BACH2: variants seen among roughly 807,000 people sequenced by gnomAD.
The protein encoded by BACH2 is transcription regulator protein BACH2.
A neutral mutation model predicts 61.8 loss-of-function variants in BACH2; 5 were observed. The ratio of observed to expected loss-of-function variants is 0.08; its 90% confidence interval spans 0.04 to 0.17. BACH2 has a LOEUF of 0.17. Ranked by LOEUF, BACH2 falls within the 10% of genes least tolerant of loss-of-function variation. The pLI, the probability that BACH2 is intolerant of heterozygous loss-of-function variation, is 1.00. For synonymous variants in BACH2, 446 were observed against 440.1 expected, an observed-to-expected ratio of 1.01 and a Z score of -0.17; for missense variants, 824 against 1,091.1, an observed-to-expected ratio of 0.76 and a Z score of 3.45.
intron 1 of BACH2, among the ~76,000 whole-genome samples, chr6:90,296,273 T>C (rs2127897779): frequency 1.3e-5 from 2 of 151,576 alleles, no homozygotes; most frequent in South Asian, 2.1e-4. Flanking sequence ...GGCCGCCGGC[T>C]CGGCTCCCAC....
chr6:90,205,756 C>T (rs894753674), intron 4 of BACH2, among the ~76,000 whole-genome samples: 1 of 150,696 alleles, frequency 6.6e-6, no homozygotes, highest in African/African-American at 2.4e-5. Flanking sequence ...ACTCAAATGT[C>T]ACCTCCTCTA....
intron 2 of BACH2, among the ~76,000 whole-genome samples, chr6:90,262,811 C>T (rs1295630009): frequency 1.3e-5 from 2 of 152,192 alleles, no homozygotes; most frequent in African/African-American, 4.8e-5. Flanking sequence ...TCCCAAGGGA[C>T]ACGCATTAAC....
chr6:89,987,155 C>T (rs142920324), intron 6 of BACH2, among the ~76,000 whole-genome samples: 1 of 152,050 alleles, frequency 6.6e-6, no homozygotes, highest in Non-Finnish European at 1.5e-5. Context: ...GTGTTAAATG[C>T]AGAAAGATTT....
At chr6:90,155,152 G>A (rs1784953988) in intron 4 of BACH2, among the ~76,000 whole-genome samples, 1 of 152,178 alleles carries the variant, frequency 6.6e-6, no homozygotes, top group Non-Finnish European at 1.5e-5. Context: ...CAAAGCACAT[G>A]TTTAAAGGGG....
At chr6:89,944,291 C>T (rs992684956) in intron 7 of BACH2, among the ~76,000 whole-genome samples, 3 of 152,146 alleles carry the variant, frequency 2.0e-5, no homozygotes, top group Admixed American at 6.5e-5. Flanking sequence ...GGAGAAAGTG[C>T]CTGGGAAAGT....
In BACH2 at chr6:90,078,128, T is replaced by A. The variant is rs79959432; in HGVS notation, c.-13+10833A>T. 3.4e-3 allele frequency among the ~76,000 whole-genome samples: 522 copies of A among 152,326 alleles called. 4 individuals carry two copies. The highest frequency in any genetic ancestry group is 0.012 in the African/African-American group (499 of 41,576). ...TCAGATTGTTCAGTAACCAGAATTA[T>A]AACAGATGCAATATTTTCTGTGGGG... On this transcript the variant is annotated intron_variant, in intron 5 of 8. Transcript: ENST00000257749.
chr6:90,121,800 C>G (rs984560418), intron 4 of BACH2, among the ~76,000 whole-genome samples: 1 of 152,182 alleles, frequency 6.6e-6, no homozygotes, highest in Non-Finnish European at 1.5e-5. Flanking sequence ...CCCACCTCGG[C>G]CTCCCAAAGT....
intron 4 of BACH2, among the ~76,000 whole-genome samples, chr6:90,178,895 G>A (rs1768062940): frequency 6.6e-6 from 1 of 152,176 alleles, no homozygotes; most frequent in African/African-American, 2.4e-5. Context: ...TATCAGCAGT[G>A]TTAGCCTGGT....
intron 4 of BACH2, among the ~76,000 whole-genome samples, chr6:90,120,291 T>C (rs1264907249): frequency 6.6e-6 from 1 of 152,208 alleles, no homozygotes; most frequent in Non-Finnish European, 1.5e-5. Context: ...TTCGTTTCTT[T>C]ATTCATAGAA....
chr6:90,244,643 C>G (rs1295759533), intron 3 of BACH2, among the ~76,000 whole-genome samples: 2 of 152,216 alleles, frequency 1.3e-5, no homozygotes, highest in Non-Finnish European at 1.5e-5. Flanking sequence ...CACACAAATA[C>G]TCGTGTACAT....
intron 1 of BACH2, among the ~76,000 whole-genome samples, chr6:90,275,743 A>C (rs970913692): frequency 6.6e-6 from 1 of 152,148 alleles, no homozygotes; most frequent in Non-Finnish European, 1.5e-5. Context: ...TGGGAGGCCA[A>C]GGCGGCCTGA....
intron 5 of BACH2, among the ~76,000 whole-genome samples, chr6:90,049,573 C>T (rs1466782256): frequency 6.6e-6 from 1 of 152,160 alleles, no homozygotes; most frequent in Non-Finnish European, 1.5e-5. Context: ...TTGACATGAG[C>T]ACTGCTGGTG....
intron 3 of BACH2, among the ~76,000 whole-genome samples, chr6:90,239,642 G>C (rs1770372358): frequency 6.6e-6 from 1 of 152,080 alleles, no homozygotes; most frequent in Admixed American, 6.6e-5. Context: ...ACATGACTAA[G>C]ATATAAATCT....
intron 4 of BACH2, among the ~76,000 whole-genome samples, chr6:90,142,857 A>T (rs1338648709): frequency 1.3e-5 from 2 of 152,134 alleles, no homozygotes; most frequent in African/African-American, 4.8e-5. Flanking sequence ...TAAGAATAAT[A>T]AAAAAAAGGA....
At chr6:90,020,855 G>A (rs1322805324) in intron 5 of BACH2, among the ~76,000 whole-genome samples, 1 of 152,116 alleles carries the variant, frequency 6.6e-6, no homozygotes, top group African/African-American at 2.4e-5. Context: ...AGAATGAAAT[G>A]GTTTATAGTG....
At chr6:90,128,334 G>C (rs1783946134) in intron 4 of BACH2, among the ~76,000 whole-genome samples, 2 of 152,130 alleles carry the variant, frequency 1.3e-5, no homozygotes, top group Admixed American at 6.5e-5. Flanking sequence ...TGTAATCCCA[G>C]CACTTTGGGA....
chr6:90,268,013 T>G (rs1437650687), intron 2 of BACH2, among the ~76,000 whole-genome samples: 1 of 150,934 alleles, frequency 6.6e-6, no homozygotes, highest in African/African-American at 2.4e-5. Flanking sequence ...CTTTTTTGTT[T>G]TTTTTTTTTT....
intron 4 of BACH2, among the ~76,000 whole-genome samples, chr6:90,203,487 G>A (rs1232133131): frequency 2.0e-5 from 3 of 151,134 alleles, no homozygotes; most frequent in Non-Finnish European, 2.9e-5. Context: ...AAAAAGCTGC[G>A]AAGAATGTAT....
chr6:90,127,156 A>G (rs938740723), intron 4 of BACH2, among the ~76,000 whole-genome samples: 1 of 152,174 alleles, frequency 6.6e-6, no homozygotes, highest in African/African-American at 2.4e-5. Flanking sequence ...TTGTTGCATA[A>G]AAAAAAGTAA....
Sources: gnomAD v4.1 joint callset for allele counts (sites outside exome capture counted in the v4.1 genomes callset) on GRCh38, gnomAD v4.1.1 for gene constraint, MANE v1.5 for transcripts, NCBI Gene and HGNC (gene_info 2026-07-23, HGNC 2026-07-21) for gene names.